KCNA3: variants seen among roughly 807,000 people sequenced by gnomAD.
The protein encoded by KCNA3 is potassium voltage-gated channel subfamily A member 3, also known as RP11-284N8.3.
A neutral mutation model predicts 34.3 loss-of-function variants in KCNA3; 18 were observed. The ratio of observed to expected loss-of-function variants is 0.52; its 90% CI spans 0.36 to 0.78. KCNA3 has a LOEUF of 0.78. KCNA3 is among the 30% of genes least tolerant of loss of function. KCNA3 has a pLI of 0.00. For synonymous variants in KCNA3, 324 were observed against 351.7 expected (o/e 0.92, Z 0.88); for missense variants, 587 against 802.5 (o/e 0.73, Z 3.24).
chr1:110,653,803 T>C, the KCNA3 span: 1 of 152,156 alleles, frequency 6.6e-6, no homozygotes, highest in Admixed American at 6.5e-5. Context: ...TGTCAAAGGA[T>C]AAACAGAAAA....
At chr1:110,653,752 T>C in the KCNA3 span, 1 of 152,186 alleles carries the variant, frequency 6.6e-6, no homozygotes, top group Non-Finnish European at 1.5e-5. Flanking sequence ...GTATAAAGCT[T>C]ATTTCAACTT....
At chr1:110,663,717 G>A in the KCNA3 span, among the ~76,000 whole-genome samples, 13 of 152,040 alleles carry the variant, frequency 8.6e-5, no homozygotes, top group Admixed American at 7.9e-4. Context: ...TTTCAATACC[G>A]CTAGGAATCT....
Position 110,674,860 on chromosome 1 carries a change from T to A in KCNA3, c.-51A>T, listed in dbSNP as rs2100951238. The A allele has an allele frequency of 7.8e-7, 1 of 1,275,522 alleles. No individual in the cohort carries two copies. Among genetic ancestry groups the A allele is most frequent in the East Asian group, 3.2e-5 (1 of 31,394 alleles). 79.0% of individuals were successfully genotyped at this position (1,275,522 alleles called of 1,614,324 possible). ...GAGGCCAGGTCGCTCCTCCTCGCGCTCCCCGCCCTTTCGCCGCCTCCGCCC... is the reference window on the plus strand; with the variant it reads ...GAGGCCAGGTCGCTCCTCCTCGCGCACCCCGCCCTTTCGCCGCCTCCGCCC... On this transcript the variant is annotated 5_prime_UTR_variant, in exon 1 of 1. Transcript: ENST00000369769. This position sits in a 1 kb window ranked among gnomAD's most constrained non-coding sequence, Gnocchi z 6.4.
the KCNA3 span, among the ~76,000 whole-genome samples, chr1:110,661,215 A>G: frequency 1.6e-4 from 24 of 152,162 alleles, no homozygotes; most frequent in Non-Finnish European, 2.6e-4. Flanking sequence ...GTGATCTGGA[A>G]TTTGAGTGTG....
At chr1:110,661,974 G>A in the KCNA3 span, among the ~76,000 whole-genome samples, 152 of 151,908 alleles carry the variant, frequency 1.0e-3, 1 homozygote, top group Non-Finnish European at 1.5e-3. Flanking sequence ...TTAGCCAGGC[G>A]TGGTGGCGGG....
In KCNA3 at chr1:110,673,128, T is replaced by C. The variant is rs747266463; in HGVS notation, c.1682A>G (p.Asn561Ser). Residue 561 changes from asparagine (N) to serine (S), a missense_variant, in exon 1 of 1, where the codon AAT becomes AGT. Transcript: ENST00000369769. This position sits in a 1 kb window ranked among gnomAD's most constrained non-coding sequence, Gnocchi z 8.8. ...TTTGATGTTGACACAAGAGTTGGGA[T>C]TATTGTTCGTGGTGCAGGTGGCAGT... The part of the protein sequence containing the change: ...NSTATCTTNN[N>S]PNSCVNIKKI... The C allele has an allele frequency of 6.2e-7, 1 of 1,613,812 alleles. No individual in the cohort carries two copies. Among genetic ancestry groups the C allele is most frequent in the South Asian group, 1.1e-5 (1 of 91,002 alleles).
chr1:110,665,786 T>G, the KCNA3 span, among the ~76,000 whole-genome samples: 1 of 152,170 alleles, frequency 6.6e-6, no homozygotes, highest in African/African-American at 2.4e-5. Flanking sequence ...GGAAGTCAAA[T>G]GAAGACAGTC....
At chr1:110,656,951 C>T in the KCNA3 span, 2 of 151,764 alleles carry the variant, frequency 1.3e-5, no homozygotes, top group Non-Finnish European at 2.9e-5. Flanking sequence ...TCATCACAAT[C>T]AATTTGAAGA....
Position 110,674,887 on chromosome 1 carries a change from C to T in KCNA3, c.-78G>A. The T allele has an allele frequency of 1.1e-5, 14 of 1,269,318 alleles. No individual in the cohort carries two copies. Among genetic ancestry groups the T allele is most frequent in the Non-Finnish European group, 1.4e-5 (14 of 1,010,396 alleles). 78.6% of individuals were successfully genotyped at this position (1,269,318 alleles called of 1,614,324 possible). A position where few individuals can be genotyped will look rare whatever the true frequency, so the allele number is the denominator to read the frequency against. On this transcript the variant is annotated 5_prime_UTR_variant, in exon 1 of 1. Coordinates refer to ENST00000369769, the MANE Select transcript of KCNA3 (RefSeq NM_002232.5). The surrounding 1 kb of genome is among the most constrained non-coding windows in gnomAD (Gnocchi z 6.4). ...CCCGCCCTTTCGCCGCCTCCGCCCC[C>T]GAGCCGAGCCCACCGCCTGTTGCAG...
At chr1:110,657,476 A>G in the KCNA3 span, among the ~76,000 whole-genome samples, 1 of 152,260 alleles carries the variant, frequency 6.6e-6, no homozygotes, top group Non-Finnish European at 1.5e-5. Flanking sequence ...TAGTAATGTA[A>G]CAGATTTACC....
downstream of KCNA3, among the ~76,000 whole-genome samples, chr1:110,669,959 G>A (rs145614721): frequency 3.9e-5 from 6 of 152,198 alleles, no homozygotes; most frequent in African/African-American, 7.2e-5. Context: ...CTCTGATGCC[G>A]TGTCATGGAA....
In KCNA3 at chr1:110,673,173, G is replaced by A; in HGVS notation, c.1637C>T (p.Pro546Leu). The change falls in exon 1 of 1, where the codon CCT (proline) becomes CTT (leucine). Residue 546 changes from proline to leucine, a missense_variant. By Grantham distance (98) the Pro-to-Leu change is moderately conservative. Coordinates refer to ENST00000369769, the MANE Select transcript of KCNA3 (RefSeq NM_002232.5). The surrounding 1 kb of genome is among the most constrained non-coding windows in gnomAD (Gnocchi z 8.8). ...GMNHSAFPQT[P>L]FKTGNSTATC... ...GGCAGTGGAATTGCCCGTTTTGAAA[G>A]GGGTCTGGGGGAAAGCGCTATGGTT... The A allele has an allele frequency of 6.2e-7, 1 of 1,614,134 alleles. No individual in the cohort carries two copies. The highest frequency in any genetic ancestry group is 8.5e-7 in the Non-Finnish European group (1 of 1,180,022).
chr1:110,674,482 T>G lies in KCNA3; in HGVS notation c.328A>C (p.Ile110Leu). 12 of 1,613,800 alleles carry G rather than the reference T, an allele frequency of 7.4e-6. No individual in the cohort carries two copies. Among genetic ancestry groups the G allele is most frequent in the Non-Finnish European group, 1.0e-5 (12 of 1,179,898 alleles). Residue 110 changes from isoleucine (I) to leucine (L), a missense_variant, in exon 1 of 1, where the codon ATC becomes CTC. Coordinates refer to ENST00000369769, the MANE Select transcript of KCNA3 (RefSeq NM_002232.5). This position sits in a 1 kb window ranked among gnomAD's most constrained non-coding sequence, Gnocchi z 6.4. ...TGCGTCTCGAAGCGCAGCCCGGAGATGTTGATGACCACGCGCTCCCCGCAG... is the reference window on the plus strand; with the variant it reads ...TGCGTCTCGAAGCGCAGCCCGGAGAGGTTGATGACCACGCGCTCCCCGCAG... The part of the protein sequence containing the change: ...DCCGERVVIN[I>L]SGLRFETQLK...
chr1:110,654,461 A>G, the KCNA3 span: 10 of 152,112 alleles, frequency 6.6e-5, no homozygotes, highest in Non-Finnish European at 1.3e-4. Flanking sequence ...GCTTTATTCA[A>G]CTGTTCAGAA....
the KCNA3 span, chr1:110,653,765 T>C: frequency 6.6e-6 from 1 of 152,144 alleles, no homozygotes; most frequent in African/African-American, 2.4e-5. Context: ...TTCAACTTAA[T>C]AATATGTAAT....
the KCNA3 span, among the ~76,000 whole-genome samples, chr1:110,660,330 T>A: frequency 2.0e-5 from 3 of 152,246 alleles, no homozygotes; most frequent in African/African-American, 7.2e-5. Flanking sequence ...AAATTTATCT[T>A]CAGCCTTAGA....
downstream of KCNA3, among the ~76,000 whole-genome samples, chr1:110,668,739 G>T (rs1044760942): frequency 6.6e-6 from 1 of 152,080 alleles, no homozygotes; most frequent in Non-Finnish European, 1.5e-5. Context: ...CAGCTGTAAG[G>T]CATATACATT....
downstream of KCNA3, among the ~76,000 whole-genome samples, chr1:110,668,370 T>C (rs752682442): frequency 7.9e-5 from 12 of 152,150 alleles, no homozygotes; most frequent in Admixed American, 1.3e-4. Flanking sequence ...AAATTTTAAA[T>C]GTATAGAAGT....
At chr1:110,665,334 A>T in the KCNA3 span, among the ~76,000 whole-genome samples, 2 of 152,220 alleles carry the variant, frequency 1.3e-5, no homozygotes, top group African/African-American at 4.8e-5. Context: ...TGAAGTGGTA[A>T]GGCGTTTGAA....
Sources: allele counts gnomAD v4.1 joint callset (sites outside exome capture counted in the v4.1 genomes callset), GRCh38; gene constraint gnomAD v4.1.1; non-coding constraint Gnocchi (gnomAD v3.1); transcripts MANE v1.5; gene names NCBI Gene and HGNC (gene_info 2026-07-23, HGNC 2026-07-21).